Variants in CACNA2D3 observed in about 807,000 individuals in gnomAD.
CACNA2D3 encodes the protein voltage-dependent calcium channel subunit alpha-2/delta-3.
CACNA2D3 carries 60 observed loss-of-function variants against 160.6 expected under a neutral mutation model. The observed-to-expected ratio is 0.37, with a 90% CI of 0.30 to 0.46. CACNA2D3 has a LOEUF of 0.46. Ranked by LOEUF, CACNA2D3 falls within the 20% of genes least tolerant of loss-of-function variation. The pLI is 1.00. For missense variants in CACNA2D3, 1,205 were observed against 1,365.0 expected (o/e 0.88, Z 1.85); for synonymous variants, 558 against 492.9 (o/e 1.13, Z -1.75).
chr3:54,850,349 G>A (rs1166919929), intron 17 of CACNA2D3, among the ~76,000 whole-genome samples: 1 of 152,216 alleles, frequency 6.6e-6, no homozygotes, highest in Non-Finnish European at 1.5e-5. Context: ...GTGATTAAAT[G>A]CTCTTGATCT....
intron 28 of CACNA2D3, among the ~76,000 whole-genome samples, chr3:54,969,383 C>T (rs1702223129): frequency 6.6e-6 from 1 of 151,846 alleles, no homozygotes; most frequent in South Asian, 2.1e-4. Context: ...CCTCAGCCTC[C>T]TGAGTAGCTG....
intron 29 of CACNA2D3, among the ~76,000 whole-genome samples, chr3:54,979,084 A>T (rs1702451725): frequency 6.6e-6 from 1 of 152,156 alleles, no homozygotes; most frequent in Non-Finnish European, 1.5e-5. Context: ...ACTTTTTTTT[A>T]AAGCCAAGCC....
At chr3:54,442,539 C>T (rs1245327232) in intron 4 of CACNA2D3, among the ~76,000 whole-genome samples, 2 of 152,160 alleles carry the variant, frequency 1.3e-5, no homozygotes, top group African/African-American at 4.8e-5. Flanking sequence ...CATCATTATC[C>T]TTGAGAAAAA....
chr3:54,683,835 T>C (rs577772013), intron 11 of CACNA2D3, among the ~76,000 whole-genome samples: 4 of 152,320 alleles, frequency 2.6e-5, no homozygotes, highest in Non-Finnish European at 5.9e-5. Flanking sequence ...GTTCCATGCA[T>C]TGCTCCTAGC....
At chr3:54,975,461 G>A (rs942271837) in intron 29 of CACNA2D3, among the ~76,000 whole-genome samples, 3 of 147,770 alleles carry the variant, frequency 2.0e-5, no homozygotes, top group African/African-American at 7.5e-5. Flanking sequence ...AGAGGTTGCA[G>A]TGAGCTAACA....
chr3:54,627,129 CTG>C (rs760789875), intron 9 of CACNA2D3, among the ~76,000 whole-genome samples: 1 of 152,172 alleles, frequency 6.6e-6, no homozygotes, highest in Non-Finnish European at 1.5e-5. Flanking sequence ...TGAGCCCCTT[CTG>C]TGTGTATTAC....
At chr3:54,163,312 G>A (rs1700384742) in intron 2 of CACNA2D3, among the ~76,000 whole-genome samples, 1 of 152,152 alleles carries the variant, frequency 6.6e-6, no homozygotes, top group Non-Finnish European at 1.5e-5. Context: ...TTAAGGAATG[G>A]CTACCTACAG....
At chr3:54,942,236 C>T (rs1216390277) in intron 27 of CACNA2D3, among the ~76,000 whole-genome samples, 3 of 152,138 alleles carry the variant, frequency 2.0e-5, no homozygotes, top group African/African-American at 7.2e-5. Flanking sequence ...AGCCCATGGT[C>T]CCTTGAAAGT....
At chr3:54,165,544 G>C (rs982157007) in intron 2 of CACNA2D3, among the ~76,000 whole-genome samples, 1 of 151,602 alleles carries the variant, frequency 6.6e-6, no homozygotes. Flanking sequence ...GAAGAAACAG[G>C]CTGGGCACAG....
rs552675907 is a variant in CACNA2D3, at chr3:54,781,153, A to G, written c.1380+16802A>G. Among the ~76,000 whole-genome samples, 3 of 152,358 alleles carry G rather than the reference A, an allele frequency of 2.0e-5. No individual in the cohort carries two copies. The South Asian group carries it at 6.2e-4, about 32-fold the overall frequency. The stretch of plus-strand genomic sequence containing the variant: ...CAAGTACAACTGAGTGCAAACAGGA[A>G]CAAACTTGGAAAAGAAGATTAGTGG... On this transcript the variant is annotated intron_variant, in intron 13 of 37. Transcript: ENST00000474759.
At chr3:54,195,843 G>C (rs1238771702) in intron 2 of CACNA2D3, among the ~76,000 whole-genome samples, 1 of 152,206 alleles carries the variant, frequency 6.6e-6, no homozygotes, top group East Asian at 1.9e-4. Context: ...CCCCTCATGA[G>C]CAGCAGAGAT....
intron 13 of CACNA2D3, among the ~76,000 whole-genome samples, chr3:54,800,401 C>G (rs1702958338): frequency 6.6e-6 from 1 of 152,220 alleles, no homozygotes; most frequent in African/African-American, 2.4e-5. Context: ...CCAGCTCCCC[C>G]ACATTACCAA....
At position 54,785,957 on chromosome 3, in the gene CACNA2D3, C is replaced by T. The variant is rs143276595; in HGVS notation, c.1380+21606C>T. ...TCTTTTGGGTTCACTCTTAACACTTCCAGCCTTCTCCCTGCCATTATTTTA... is the reference window on the plus strand; with the variant it reads ...TCTTTTGGGTTCACTCTTAACACTTTCAGCCTTCTCCCTGCCATTATTTTA... On this transcript the variant is annotated intron_variant, in intron 13 of 37. Transcript: ENST00000474759. Among the ~76,000 whole-genome samples the T allele has an allele frequency of 6.7e-3, 1,014 of 152,284 alleles. 18 individuals carry two copies. The highest frequency in any genetic ancestry group is 0.023 in the African/African-American group (953 of 41,564).
At chr3:54,153,454 A>C (rs2107286016) in intron 2 of CACNA2D3, among the ~76,000 whole-genome samples, 1 of 152,372 alleles carries the variant, frequency 6.6e-6, no homozygotes, top group South Asian at 2.1e-4. Flanking sequence ...TTATTTATTC[A>C]GTCAACATTT....
chr3:54,216,620 C>T (rs1422905164), intron 2 of CACNA2D3, among the ~76,000 whole-genome samples: 1 of 152,206 alleles, frequency 6.6e-6, no homozygotes, highest in Non-Finnish European at 1.5e-5. Flanking sequence ...TGGCTTCTTG[C>T]CCTCCAGCTG....
chr3:54,595,748 A>G (rs191638787), intron 9 of CACNA2D3, among the ~76,000 whole-genome samples: 1 of 152,234 alleles, frequency 6.6e-6, no homozygotes, highest in Admixed American at 6.5e-5. Context: ...ATAAGAAATA[A>G]TATCAATAAT....
intron 35 of CACNA2D3, among the ~76,000 whole-genome samples, chr3:55,070,108 A>T (rs963617165): frequency 2.0e-5 from 3 of 152,202 alleles, no homozygotes; most frequent in African/African-American, 7.2e-5. Context: ...GGTGCTAGAG[A>T]TAACTCACAA....
intron 2 of CACNA2D3, among the ~76,000 whole-genome samples, chr3:54,201,679 A>C (rs1701182099): frequency 6.6e-6 from 1 of 152,258 alleles, no homozygotes; most frequent in African/African-American, 2.4e-5. Context: ...AATTATCGAA[A>C]GACTGTATCA....
chr3:54,421,896 G>A (rs914295948), intron 4 of CACNA2D3, among the ~76,000 whole-genome samples: 1 of 152,108 alleles, frequency 6.6e-6, no homozygotes, highest in Non-Finnish European at 1.5e-5. Context: ...GTCCTTCCCT[G>A]TGTTTCCAAC....
Sources: gnomAD v4.1 joint callset for allele counts (sites outside exome capture counted in the v4.1 genomes callset) on GRCh38, gnomAD v4.1.1 for gene constraint, MANE v1.5 for transcripts, NCBI Gene and HGNC (gene_info 2026-07-23, HGNC 2026-07-21) for gene names.